The following TRPM3 variants were observed in gnomAD, a reference collection of about 807,000 sequenced individuals.
The protein encoded by TRPM3 is transient receptor potential cation channel subfamily M member 3, also known as long transient receptor potential channel 3.
Under a neutral mutation model 181.2 loss-of-function variants are expected in TRPM3, and 77 were observed. The ratio of observed to expected loss-of-function variants is 0.42; its 90% CI spans 0.35 to 0.51. The LOEUF is 0.51. TRPM3 is among the 20% of genes least tolerant of loss of function. TRPM3 has a pLI of 0.01. For missense variants in TRPM3, 1,759 were observed against 2,196.7 expected, an observed-to-expected ratio of 0.80 and a Z score of 3.98; for synonymous variants, 745 against 796.4, an observed-to-expected ratio of 0.94 and a Z score of 1.09.
At chr9:70,898,247 T>C (rs908229528) in intron 1 of TRPM3, among the ~76,000 whole-genome samples, 4 of 149,962 alleles carry the variant, frequency 2.7e-5, no homozygotes, top group East Asian at 2.0e-4. Flanking sequence ...CTCAGCCTCC[T>C]GAGTAGCTGG....
intron 1 of TRPM3, among the ~76,000 whole-genome samples, chr9:71,410,840 G>T (rs2093533251): frequency 6.6e-6 from 1 of 152,140 alleles, no homozygotes; most frequent in South Asian, 2.1e-4. Context: ...GATGAACATT[G>T]ACGCAAAAAT....
Position 70,598,524 on chromosome 9 carries a change from C to T in TRPM3, c.2943G>A (p.Gly981=). The T allele has an allele frequency of 3.1e-6, 5 of 1,614,224 alleles. No individual in the cohort carries two copies. The highest frequency in any genetic ancestry group is 4.2e-6 in the Non-Finnish European group (5 of 1,180,038). Residue 981 remains glycine, a synonymous_variant, in exon 21 of 26, where the codon GGG becomes GGA. Transcript: ENST00000677713. The part of the protein sequence containing the change: ...RLQDQPFRSD[G]RVIYCVNIIY... The stretch of plus-strand genomic sequence containing the variant: ...TGATGTTCACGCAGTAGATGACCCT[C>T]CCGTCACTCCTGAAGGGCTGGTCTT...
intron 6 of TRPM3, among the ~76,000 whole-genome samples, chr9:70,786,706 T>C (rs550532700): frequency 4.1e-4 from 62 of 152,348 alleles, no homozygotes; most frequent in African/African-American, 1.4e-3. Context: ...ATTGTGTTTT[T>C]TGCCATGCTA....
In TRPM3 at chr9:70,990,511, T is replaced by C. The variant is rs143530391; in HGVS notation, c.178-126000A>G. On this transcript the variant is annotated intron_variant, in intron 1 of 25. Coordinates refer to ENST00000677713, the MANE Select transcript of TRPM3 (RefSeq NM_001366145.2). ...AAAAAGGTCTTGAACGGTGATTCCC[T>C]AGATCCCTGTTCCTTTATCATATGT... Among the ~76,000 whole-genome samples the C allele has an allele frequency of 1.7e-3, 262 of 152,308 alleles. 1 individual carries two copies. The highest frequency in any genetic ancestry group is 6.1e-3 in the African/African-American group (254 of 41,580).
At chr9:71,331,890 G>GAGGAGA (rs1472364148) in intron 1 of TRPM3, among the ~76,000 whole-genome samples, 1 of 1,392 alleles carries the variant, frequency 7.2e-4, no homozygotes, top group African/African-American at 2.2e-3. Flanking sequence ...GGAGGAAGAA[G>GAGGAGA]GGGAGGAAGA....
chr9:70,787,034 C>T (rs1163360699), intron 6 of TRPM3, among the ~76,000 whole-genome samples: 1 of 152,140 alleles, frequency 6.6e-6, no homozygotes, highest in Non-Finnish European at 1.5e-5. Context: ...AACCTCCTCT[C>T]CCTTTGAGAG....
intron 1 of TRPM3, among the ~76,000 whole-genome samples, chr9:71,308,835 T>C (rs891969438): frequency 2.6e-5 from 4 of 152,166 alleles, no homozygotes; most frequent in East Asian, 1.9e-4. Flanking sequence ...ACAATTCTAA[T>C]GCATTGGGTC....
At chr9:71,242,504 T>TGGG (rs2131973411) in intron 1 of TRPM3, among the ~76,000 whole-genome samples, 1 of 152,362 alleles carries the variant, frequency 6.6e-6, no homozygotes, top group East Asian at 1.9e-4. Flanking sequence ...AAACGCAAGT[T>TGGG]GGCTACCTAA....
chr9:71,444,201 T>C (rs938953124), intron 1 of TRPM3, among the ~76,000 whole-genome samples: 21 of 135,024 alleles, frequency 1.6e-4, no homozygotes, highest in African/African-American at 5.4e-4. Flanking sequence ...AAAAAACTAA[T>C]ACAATCATTC....
At chr9:70,895,361 C>A (rs1213659822) in intron 1 of TRPM3, among the ~76,000 whole-genome samples, 1 of 152,200 alleles carries the variant, frequency 6.6e-6, no homozygotes, top group Non-Finnish European at 1.5e-5. Context: ...AGATAGCTTA[C>A]ACTTTGCTGA....
At chr9:71,355,597 C>T (rs1258548673) in intron 1 of TRPM3, among the ~76,000 whole-genome samples, 1 of 152,096 alleles carries the variant, frequency 6.6e-6, no homozygotes, top group Non-Finnish European at 1.5e-5. Flanking sequence ...CTTACGGCAG[C>T]CCTAGGAAGC....
At chr9:71,341,267 T>C (rs1232676505) in intron 1 of TRPM3, among the ~76,000 whole-genome samples, 3 of 152,162 alleles carry the variant, frequency 2.0e-5, no homozygotes, top group Non-Finnish European at 4.4e-5. Flanking sequence ...ACAGGCTATT[T>C]GCATAAATCT....
At chr9:71,111,808 T>G (rs1270739711) in intron 1 of TRPM3, among the ~76,000 whole-genome samples, 4 of 152,232 alleles carry the variant, frequency 2.6e-5, no homozygotes, top group Non-Finnish European at 5.9e-5. Flanking sequence ...ACAGAGATTA[T>G]GCCAGCAAAT....
At chr9:71,174,252 G>A (rs956618378) in intron 1 of TRPM3, among the ~76,000 whole-genome samples, 1 of 152,070 alleles carries the variant, frequency 6.6e-6, no homozygotes, top group African/African-American at 2.4e-5. Flanking sequence ...CTTTGAAAAT[G>A]GAGTTATGGC....
At chr9:70,878,907 A>AGATGATTCCCTT (rs2095925430) in intron 1 of TRPM3, among the ~76,000 whole-genome samples, 1 of 152,150 alleles carries the variant, frequency 6.6e-6, no homozygotes, top group Admixed American at 6.6e-5. Context: ...AAGTTGGGAA[A>AGATGATTCCCTT]ACACCCTGTG....
intron 1 of TRPM3, among the ~76,000 whole-genome samples, chr9:71,392,342 G>C (rs916025182): frequency 6.6e-6 from 1 of 152,036 alleles, no homozygotes; most frequent in African/African-American, 2.4e-5. Flanking sequence ...AGCATTGTCA[G>C]ACAAGAAAGC....
intron 8 of TRPM3, among the ~76,000 whole-genome samples, chr9:70,757,128 C>T (rs1290833923): frequency 1.3e-5 from 2 of 152,032 alleles, no homozygotes; most frequent in Non-Finnish European, 1.5e-5. Context: ...ATCGAATAGA[C>T]ACAATAAAAA....
chr9:71,112,454 C>T (rs1325270263), intron 1 of TRPM3, among the ~76,000 whole-genome samples: 4 of 152,144 alleles, frequency 2.6e-5, no homozygotes, highest in African/African-American at 4.8e-5. Context: ...AATCTTCCAA[C>T]TTGGGGAATC....
At chr9:71,221,719 C>T (rs993314711) in intron 1 of TRPM3, among the ~76,000 whole-genome samples, 2 of 152,074 alleles carry the variant, frequency 1.3e-5, no homozygotes, top group Non-Finnish European at 2.9e-5. Context: ...GGCCAGGTCA[C>T]GGGACTAAAC....
Sources: gnomAD v4.1 joint callset for allele counts (sites outside exome capture counted in the v4.1 genomes callset) on GRCh38, gnomAD v4.1.1 for gene constraint, MANE v1.5 for transcripts, NCBI Gene and HGNC (gene_info 2026-07-23, HGNC 2026-07-21) for gene names.